Variants in FRMD4A observed in about 807,000 individuals in gnomAD.
FRMD4A encodes FERM domain-containing protein 4A.
Under a neutral mutation model 129.1 loss-of-function variants are expected in FRMD4A, and 29 were observed. That is an observed-to-expected ratio of 0.22 (90% CI 0.17 to 0.31). FRMD4A has a LOEUF of 0.31. Among genes scored for constraint, FRMD4A ranks in the 10% least tolerant of loss-of-function variants. The pLI is 1.00. For missense variants in FRMD4A, 1,272 were observed against 1,375.8 expected (o/e 0.92, Z 1.19); for synonymous variants, 634 against 571.6 (o/e 1.11, Z -1.56).
intron 2 of FRMD4A, among the ~76,000 whole-genome samples, chr10:13,906,675 T>G (rs767230126): frequency 6.6e-6 from 1 of 152,166 alleles, no homozygotes; most frequent in Non-Finnish European, 1.5e-5. Flanking sequence ...TGAGCTTTAA[T>G]GAGACCCCGG....
intron 3 of FRMD4A, among the ~76,000 whole-genome samples, chr10:13,816,277 C>A (rs1453089395): frequency 6.6e-6 from 1 of 152,220 alleles, no homozygotes; most frequent in East Asian, 1.9e-4. Context: ...GTTACAACTC[C>A]TGACTCTTAG....
At chr10:13,757,581 A>G (rs764806750) in intron 8 of FRMD4A, among the ~76,000 whole-genome samples, 4 of 152,234 alleles carry the variant, frequency 2.6e-5, no homozygotes, top group Non-Finnish European at 5.9e-5. Context: ...GGGAAAGAAA[A>G]GACAGTTATG....
chr10:13,666,971 G>A (rs1395710927), intron 17 of FRMD4A, among the ~76,000 whole-genome samples: 8 of 148,062 alleles, frequency 5.4e-5, no homozygotes, highest in African/African-American at 1.5e-4. Context: ...GAGTGCACTG[G>A]TGCAATCTCT....
intron 3 of FRMD4A, among the ~76,000 whole-genome samples, chr10:13,838,704 G>A (rs1400411474): frequency 2.0e-5 from 3 of 152,040 alleles, no homozygotes; most frequent in Non-Finnish European, 2.9e-5. Flanking sequence ...TGTTGGCCAG[G>A]CTAGCCTCAA....
At position 13,673,579 on chromosome 10, in the gene FRMD4A, TGCGC is replaced by T. The variant is rs558506971; in HGVS notation, c.1251+1328_1251+1331del. Among the ~76,000 whole-genome samples, 60 of 147,690 alleles carry T rather than the reference TGCGC, an allele frequency of 4.1e-4. 1 individual carries two copies. The highest frequency in any genetic ancestry group is 5.6e-4 in the Non-Finnish European group (38 of 67,750). On this transcript the variant is annotated intron_variant, in intron 16 of 24. Transcript: ENST00000357447. ...TGCACAATGCACACATGTGCATGCG[TGCGC>T]GCGCGCACACACACACACACACAGA...
intron 2 of FRMD4A, among the ~76,000 whole-genome samples, chr10:14,264,596 T>A (rs1844914554): frequency 6.6e-6 from 1 of 152,184 alleles, no homozygotes. Flanking sequence ...TGGATGCACG[T>A]TCGATTTTGT....
intron 2 of FRMD4A, among the ~76,000 whole-genome samples, chr10:14,273,250 C>A (rs1447051462): frequency 6.6e-6 from 1 of 151,960 alleles, no homozygotes; most frequent in African/African-American, 2.4e-5. Context: ...AAGTGAGAAC[C>A]CGCCTCAGAA....
intron 2 of FRMD4A, among the ~76,000 whole-genome samples, chr10:14,047,289 A>G (rs1834030041): frequency 6.6e-6 from 1 of 152,154 alleles, no homozygotes; most frequent in East Asian, 1.9e-4. Flanking sequence ...GATATTGCCC[A>G]CGGTACCTGA....
intron 2 of FRMD4A, among the ~76,000 whole-genome samples, chr10:14,256,900 T>C (rs886183808): frequency 1.3e-5 from 2 of 152,100 alleles, no homozygotes; most frequent in Admixed American, 1.3e-4. Context: ...TAAACATGCA[T>C]GCATGTATAG....
chr10:14,101,973 T>C (rs1837328527), intron 2 of FRMD4A, among the ~76,000 whole-genome samples: 1 of 152,180 alleles, frequency 6.6e-6, no homozygotes, highest in Non-Finnish European at 1.5e-5. Flanking sequence ...TGAAAAAAAT[T>C]AAGCTGCTTT....
intron 15 of FRMD4A, among the ~76,000 whole-genome samples, chr10:13,683,372 G>A (rs982462717): frequency 3.3e-5 from 5 of 151,616 alleles, no homozygotes. Flanking sequence ...ATTGCTTAAT[G>A]CCAGGAGTTT....
chr10:14,198,722 T>A (rs1842543514), intron 2 of FRMD4A, among the ~76,000 whole-genome samples: 1 of 152,224 alleles, frequency 6.6e-6, no homozygotes, highest in Non-Finnish European at 1.5e-5. Context: ...AATTTGTCTC[T>A]TCCTCCATCC....
chr10:13,884,144 T>TCACCCACACACACACTCACACACA lies in FRMD4A; in HGVS notation c.46-25233_46-25232insTGTGTGTGAGTGTGTGTGTGGGTG, dbSNP rs773933481. ...CACTCACACACACGCTCACACACAC[T>TCACCCACACACACACTCACACACA]CTCACACACTCTCACACACACACTC... On this transcript the variant is annotated intron_variant, in intron 2 of 24. Coordinates refer to ENST00000357447, the MANE Select transcript of FRMD4A (RefSeq NM_018027.5). Among the ~76,000 whole-genome samples the TCACCCACACACACACTCACACACA allele has an allele frequency of 8.7e-4, 92 of 105,160 alleles. 1 individual carries two copies. Among genetic ancestry groups the TCACCCACACACACACTCACACACA allele is most frequent in the East Asian group, 2.6e-3 (9 of 3,518 alleles). 69.0% of individuals were successfully genotyped at this position (105,160 alleles called of 152,430 possible). A position where few individuals can be genotyped will look rare whatever the true frequency, so the allele number is the denominator to read the frequency against.
chr10:13,824,924 CAA>C (rs2093679574), intron 3 of FRMD4A, among the ~76,000 whole-genome samples: 1 of 145,390 alleles, frequency 6.9e-6, no homozygotes, highest in African/African-American at 2.5e-5. Flanking sequence ...AAAGAGTAAT[CAA>C]GAGATGATTT....
intron 2 of FRMD4A, among the ~76,000 whole-genome samples, chr10:13,989,459 G>T (rs370742585): frequency 6.6e-6 from 1 of 152,048 alleles, no homozygotes; most frequent in Admixed American, 6.6e-5. Context: ...GGGTTCAAGC[G>T]ATTCTCCTGA....
intron 8 of FRMD4A, among the ~76,000 whole-genome samples, chr10:13,751,480 T>C (rs1213355720): frequency 6.6e-6 from 1 of 152,220 alleles, no homozygotes; most frequent in Non-Finnish European, 1.5e-5. Context: ...TGTCTAGCCC[T>C]GTCAATCTGG....
intron 2 of FRMD4A, among the ~76,000 whole-genome samples, chr10:13,935,208 C>T (rs575935078): frequency 6.6e-5 from 10 of 152,088 alleles, no homozygotes; most frequent in African/African-American, 1.9e-4. Flanking sequence ...GTAGGCTGAG[C>T]AGGCGGATCA....
intron 3 of FRMD4A, among the ~76,000 whole-genome samples, chr10:13,835,369 C>G (rs1468962553): frequency 5.1e-4 from 78 of 152,124 alleles, no homozygotes; most frequent in Non-Finnish European, 2.9e-5. Flanking sequence ...TGGTTATATA[C>G]CTTTACATAT....
chr10:14,204,963 G>A lies in FRMD4A; in HGVS notation c.45+125095C>T, dbSNP rs76603264. Among the ~76,000 whole-genome samples, 409 of 152,148 alleles carry A rather than the reference G, an allele frequency of 2.7e-3. 4 individuals carry two copies. Among genetic ancestry groups the A allele is most frequent in the African/African-American group, 8.6e-3 (356 of 41,500 alleles). ...CCGGAGAGCCACACAGACACAAGTT[G>A]CATTTCAAAGTCGCTGCTGTTGTCT... On this transcript the variant is annotated intron_variant, in intron 2 of 24. Transcript: ENST00000357447.
Sources: gnomAD v4.1 joint callset for allele counts (sites outside exome capture counted in the v4.1 genomes callset) on GRCh38, gnomAD v4.1.1 for gene constraint, MANE v1.5 for transcripts, NCBI Gene and HGNC (gene_info 2026-07-23, HGNC 2026-07-21) for gene names.